CEP70: variants seen among roughly 807,000 people sequenced by gnomAD.
The protein encoded by CEP70 is centrosomal protein of 70 kDa.
A neutral mutation model predicts 90.9 loss-of-function variants in CEP70; 70 were observed. The ratio of observed to expected loss-of-function variants is 0.77; its 90% CI spans 0.64 to 0.94. The LOEUF (loss-of-function observed/expected upper bound fraction) is 0.94, where lower values mean the gene tolerates loss of function less well. CEP70 is among the 40% of genes least tolerant of loss of function. CEP70 has a pLI of 0.00. For synonymous variants in CEP70, 220 were observed against 228.3 expected, an observed-to-expected ratio of 0.96 and a Z score of 0.33; for missense variants, 648 against 669.0, an observed-to-expected ratio of 0.97 and a Z score of 0.35.
intron 6 of CEP70, among the ~76,000 whole-genome samples, chr3:138,569,087 T>C (rs1406100891): frequency 6.6e-6 from 1 of 152,140 alleles, no homozygotes; most frequent in Non-Finnish European, 1.5e-5. Flanking sequence ...TCTGAAACTA[T>C]GGTCAATACC....
rs529579342 is a variant in CEP70, at chr3:138,498,978, G to A, written c.1653-868C>T. ...TGAGAATTGCTTGAACCTGGGAGGC[G>A]GAGGTTGCAGTGAGCTGAGACTGAG... On this transcript the variant is annotated intron_variant, in intron 16 of 17. Coordinates refer to ENST00000264982, the MANE Select transcript of CEP70 (RefSeq NM_024491.4). 2.5e-3 allele frequency among the ~76,000 whole-genome samples: 374 copies of A among 151,868 alleles called. 4 individuals carry two copies. The highest frequency in any genetic ancestry group is 7.2e-4 in the Non-Finnish European group (49 of 67,938).
chr3:138,544,135 C>T (rs1164231818), intron 6 of CEP70, among the ~76,000 whole-genome samples: 1 of 151,966 alleles, frequency 6.6e-6, no homozygotes, highest in Non-Finnish European at 1.5e-5. Flanking sequence ...TTTAAAAACT[C>T]CTTAACTTAA....
chr3:138,515,724 TC>T (rs1227222914), intron 11 of CEP70, among the ~76,000 whole-genome samples: 1 of 152,124 alleles, frequency 6.6e-6, no homozygotes, highest in East Asian at 1.9e-4. Context: ...ATGAAGACTA[TC>T]TATCTCTACG....
intron 7 of CEP70, among the ~76,000 whole-genome samples, chr3:138,534,136 C>G (rs1426101625): frequency 6.6e-6 from 1 of 152,176 alleles, no homozygotes. Context: ...GAGAGAAAAA[C>G]AAAATAATAC....
intron 6 of CEP70, among the ~76,000 whole-genome samples, chr3:138,546,319 G>T (rs1037428781): frequency 6.6e-6 from 1 of 152,138 alleles, no homozygotes; most frequent in African/African-American, 2.4e-5. Flanking sequence ...GAGTCAGTAT[G>T]TACCCTAAGA....
intron 2 of CEP70, among the ~76,000 whole-genome samples, chr3:138,581,843 A>G (rs1417381542): frequency 6.6e-6 from 1 of 152,088 alleles, no homozygotes; most frequent in Non-Finnish European, 1.5e-5. Flanking sequence ...GATTTAACCC[A>G]AGGAGACTAC....
At chr3:138,506,223 C>T (rs996043779) in intron 12 of CEP70, among the ~76,000 whole-genome samples, 1 of 152,092 alleles carries the variant, frequency 6.6e-6, no homozygotes, top group Admixed American at 6.6e-5. Context: ...GTGGCTCATG[C>T]CTGTAATCCC....
chr3:138,529,295 A>G lies in CEP70; in HGVS notation c.781-8T>C, dbSNP rs2037587474. ...GAGTTGATTCTGTAATGACTGCAAC[A>G]CATTTCATAGAAAAATAATTAACTT... On this transcript the variant is annotated splice_region_variant and splice_polypyrimidine_tract_variant and intron_variant, in intron 9 of 17. Coordinates refer to ENST00000264982, the MANE Select transcript of CEP70 (RefSeq NM_024491.4). The G allele has an allele frequency of 6.3e-7, 1 of 1,586,572 alleles. No homozygotes were observed. The highest frequency in any genetic ancestry group is 1.2e-5 in the South Asian group (1 of 86,598).
At chr3:138,570,269 G>T in intron 6 of CEP70, 49 bp downstream of exon 6, 1 of 1,230,346 alleles carries the variant, frequency 8.1e-7, no homozygotes, top group Non-Finnish European at 1.1e-6. Context: ...ACCATAATGA[G>T]CTGTTTTAGT....
chr3:138,520,811 C>A (rs140190586), intron 11 of CEP70, among the ~76,000 whole-genome samples: 148 of 152,028 alleles, frequency 9.7e-4, no homozygotes, highest in African/African-American at 3.5e-3. Flanking sequence ...CACGGTCTCC[C>A]CCTCTCCCTC....
At chr3:138,520,826 C>A (rs1489661944) in intron 11 of CEP70, among the ~76,000 whole-genome samples, 3 of 151,962 alleles carry the variant, frequency 2.0e-5, no homozygotes, top group Non-Finnish European at 4.4e-5. Flanking sequence ...TCCCTCGTCT[C>A]CGTCTCCCAC....
chr3:138,581,083 G>C (rs1405823061), intron 2 of CEP70, among the ~76,000 whole-genome samples: 1 of 151,184 alleles, frequency 6.6e-6, no homozygotes, highest in African/African-American at 2.4e-5. Flanking sequence ...TCAGGAGTTC[G>C]AGACCAGGCT....
At chr3:138,518,024 C>G (rs901294822) in intron 11 of CEP70, among the ~76,000 whole-genome samples, 3 of 152,216 alleles carry the variant, frequency 2.0e-5, no homozygotes, top group South Asian at 4.1e-4. Flanking sequence ...AACAGCACAC[C>G]AGGAGATTAT....
chr3:138,497,662 G>C (rs1275903218), intron 17 of CEP70: 1 of 977,570 alleles, frequency 1.0e-6, no homozygotes, highest in African/African-American at 1.8e-5. Context: ...AAAAAATTTT[G>C]TAGATAGGTG....
chr3:138,565,267 T>C (rs916011624), intron 6 of CEP70, among the ~76,000 whole-genome samples: 1 of 152,206 alleles, frequency 6.6e-6, no homozygotes, highest in African/African-American at 2.4e-5. Flanking sequence ...ATGGCCATAT[T>C]GCCCAAAGTA....
chr3:138,535,276 T>C (rs187544558), intron 7 of CEP70, among the ~76,000 whole-genome samples: 1 of 152,306 alleles, frequency 6.6e-6, no homozygotes, highest in Admixed American at 6.5e-5. Flanking sequence ...TATTCTATAG[T>C]TCCTAGTAGT....
At chr3:138,545,674 C>A (rs957721806) in intron 6 of CEP70, among the ~76,000 whole-genome samples, 1 of 152,148 alleles carries the variant, frequency 6.6e-6, no homozygotes, top group Non-Finnish European at 1.5e-5. Flanking sequence ...CCGCTGAATT[C>A]TTTTCCCAGC....
chr3:138,537,363 T>A lies in CEP70; in HGVS notation c.466-16A>T, dbSNP rs1165527448. 6 of 1,537,536 alleles carry A rather than the reference T, an allele frequency of 3.9e-6. No homozygotes were observed. The highest frequency in any genetic ancestry group is 5.3e-6 in the Non-Finnish European group (6 of 1,137,580). ...GGCACTTCACCTATAAGATATTTTT[T>A]AAAAACATGATTATGATATGTACAT... On this transcript the variant is annotated splice_polypyrimidine_tract_variant and intron_variant, in intron 6 of 17. Transcript: ENST00000264982.
chr3:138,532,094 G>A (rs1374671628), intron 8 of CEP70, among the ~76,000 whole-genome samples: 1 of 152,022 alleles, frequency 6.6e-6, no homozygotes, highest in African/African-American at 2.4e-5. Context: ...TAATCTATAA[G>A]CTTGATTTTT....
Sources: gnomAD v4.1 joint callset for allele counts (sites outside exome capture counted in the v4.1 genomes callset) on GRCh38, gnomAD v4.1.1 for gene constraint, MANE v1.5 for transcripts, NCBI Gene and HGNC (gene_info 2026-07-23, HGNC 2026-07-21) for gene names.